PDZD2: variants seen among roughly 807,000 people sequenced by gnomAD.
PDZD2 encodes the protein PDZ domain containing 2.
A neutral mutation model predicts 220.7 loss-of-function variants in PDZD2; 90 were observed. That is an observed-to-expected ratio of 0.41 (90% CI 0.34 to 0.49). The LOEUF (loss-of-function observed/expected upper bound fraction) is 0.49. Ranked by LOEUF, PDZD2 falls within the 20% of genes least tolerant of loss-of-function variation. The pLI is 0.28. For missense variants in PDZD2, 3,174 were observed against 3,608.5 expected, an observed-to-expected ratio of 0.88 and a Z score of 3.08; for synonymous variants, 1,375 against 1,450.5, an observed-to-expected ratio of 0.95 and a Z score of 1.18.
Position 32,090,344 on chromosome 5 carries a change from T to C in PDZD2, c.6896T>C (p.Ile2299Thr), listed in dbSNP as rs1476869738. 1 of 1,614,180 alleles carries C rather than the reference T, an allele frequency of 6.2e-7. No homozygotes were observed. Among genetic ancestry groups the C allele is most frequent in the Non-Finnish European group, 8.5e-7 (1 of 1,180,022 alleles). ...CCAGCCACAGATGAAGGGGATATCA[T>C]TTCAGTCCAGGAGACGAGCTGCCTA... ...NLPATDEGDI[I>T]SVQETSCLVT... is the part of the protein sequence containing the mutation. Residue 2299 changes from isoleucine to threonine, a missense_variant, in exon 20 of 25, where the codon ATT becomes ACT. This residue lies in a region of PDZD2 where 631 missense variants were observed against 789.9 expected (regional missense o/e 0.80). Coordinates refer to ENST00000438447, the MANE Select transcript of PDZD2 (RefSeq NM_178140.4). This position sits in a 1 kb window ranked among gnomAD's most constrained non-coding sequence, Gnocchi z 4.3.
chr5:31,688,097 T>TG (rs1320257413), intron 1 of PDZD2, among the ~76,000 whole-genome samples: 1 of 152,128 alleles, frequency 6.6e-6, no homozygotes, highest in Non-Finnish European at 1.5e-5. Flanking sequence ...ACATATCCAG[T>TG]GGGGTCTAGT....
At chr5:31,749,089 G>T (rs1026315427) in intron 1 of PDZD2, among the ~76,000 whole-genome samples, 2 of 147,314 alleles carry the variant, frequency 1.4e-5, no homozygotes, top group Non-Finnish European at 3.1e-5. Flanking sequence ...TATTTCATGG[G>T]GGGGGGCCTT....
intron 2 of PDZD2, chr5:31,847,613 A>T: frequency 1.6e-6 from 1 of 640,454 alleles, no homozygotes; most frequent in Non-Finnish European, 2.9e-6. Context: ...GGCATGGGCA[A>T]GATCTAGGAA....
chr5:31,697,091 G>T (rs1263170323), intron 1 of PDZD2, among the ~76,000 whole-genome samples: 1 of 152,210 alleles, frequency 6.6e-6, no homozygotes, highest in South Asian at 2.1e-4. Context: ...AGAGAAACTG[G>T]TCCTTTATTA....
At chr5:31,962,112 GA>G (rs892757509) in intron 2 of PDZD2, among the ~76,000 whole-genome samples, 2 of 152,178 alleles carry the variant, frequency 1.3e-5, no homozygotes, top group Non-Finnish European at 1.5e-5. Flanking sequence ...TTTGTTTTTT[GA>G]AGATGTTCCC....
At chr5:31,753,930 G>A (rs571031979) in intron 1 of PDZD2, among the ~76,000 whole-genome samples, 12 of 152,248 alleles carry the variant, frequency 7.9e-5, no homozygotes, top group African/African-American at 2.4e-4. Context: ...TTATTCTCCA[G>A]CATTAGCATC....
chr5:31,956,758 CAAAAAAAAAAAAAAAA>C (rs70957986), intron 2 of PDZD2, among the ~76,000 whole-genome samples: 1 of 73,704 alleles, frequency 1.4e-5, no homozygotes, highest in Non-Finnish European at 2.4e-5. Context: ...GACTCCATCT[CAAAAAAAAAAAAAAAA>C]AAAAAAAAAA....
chr5:31,998,500 G>A (rs1382885974), intron 4 of PDZD2, among the ~76,000 whole-genome samples: 2 of 152,224 alleles, frequency 1.3e-5, no homozygotes, highest in African/African-American at 4.8e-5. Flanking sequence ...TGGAAAGAGA[G>A]AAGTCAGTTG....
chr5:31,793,851 G>A (rs1753856840), intron 1 of PDZD2, among the ~76,000 whole-genome samples: 1 of 152,100 alleles, frequency 6.6e-6, no homozygotes, highest in South Asian at 2.1e-4. Flanking sequence ...GGAAACGGGA[G>A]GTCTGGAAAG....
intron 2 of PDZD2, among the ~76,000 whole-genome samples, chr5:31,870,613 C>T (rs527743049): frequency 6.6e-6 from 1 of 152,192 alleles, no homozygotes; most frequent in East Asian, 1.9e-4. Flanking sequence ...GTTGGCCAGG[C>T]GTGGTGGCTC....
At chr5:31,822,808 G>A in intron 2 of PDZD2, 1 of 883,610 alleles carries the variant, frequency 1.1e-6, no homozygotes, top group Non-Finnish European at 1.8e-6. Context: ...TTCAACAGAA[G>A]ACCAATTCTC....
At chr5:31,642,177 A>G (rs750958412) in intron 1 of PDZD2, among the ~76,000 whole-genome samples, 6 of 152,214 alleles carry the variant, frequency 3.9e-5, no homozygotes, top group Non-Finnish European at 5.9e-5. Flanking sequence ...ATGAACCCAC[A>G]AAAGGTCAGG....
chr5:31,759,519 G>C (rs1751503594), intron 1 of PDZD2, among the ~76,000 whole-genome samples: 1 of 149,808 alleles, frequency 6.7e-6, no homozygotes, highest in African/African-American at 2.5e-5. Flanking sequence ...AAACCTCCTT[G>C]CCAAGGGACT....
At chr5:31,758,671 A>C (rs896404235) in intron 1 of PDZD2, among the ~76,000 whole-genome samples, 3 of 152,156 alleles carry the variant, frequency 2.0e-5, no homozygotes, top group African/African-American at 7.2e-5. Flanking sequence ...GAGTTTCCCA[A>C]GATGTGTTCC....
intron 24 of PDZD2, chr5:32,106,476 T>C (rs1744772366): frequency 2.0e-5 from 3 of 152,242 alleles, no homozygotes; most frequent in Admixed American, 2.0e-4. Context: ...TTTCCTCTAC[T>C]TCATCTCATT....
At chr5:32,049,248 C>T (rs941012860) in intron 8 of PDZD2, among the ~76,000 whole-genome samples, 4 of 152,198 alleles carry the variant, frequency 2.6e-5, no homozygotes, top group Non-Finnish European at 4.4e-5. Context: ...GAGGGCCGCT[C>T]CTCCATCTCA....
At chr5:31,801,213 A>T (rs1449200449) in intron 2 of PDZD2, among the ~76,000 whole-genome samples, 4 of 152,198 alleles carry the variant, frequency 2.6e-5, no homozygotes, top group Non-Finnish European at 5.9e-5. Context: ...AGACACTCTC[A>T]CCAGTATTTC....
intron 2 of PDZD2, among the ~76,000 whole-genome samples, chr5:31,886,855 A>G (rs954099472): frequency 1.6e-4 from 24 of 151,756 alleles, no homozygotes; most frequent in Non-Finnish European, 1.9e-4. Context: ...CTGCCACCAC[A>G]CCCAGCTATT....
At chr5:31,954,808 T>C (rs953981335) in intron 2 of PDZD2, among the ~76,000 whole-genome samples, 1 of 152,056 alleles carries the variant, frequency 6.6e-6, no homozygotes, top group Non-Finnish European at 1.5e-5. Flanking sequence ...TGGTGGTGCA[T>C]GCCTGTAATC....
Sources: allele counts gnomAD v4.1 joint callset (sites outside exome capture counted in the v4.1 genomes callset), GRCh38; gene constraint gnomAD v4.1.1; regional missense constraint gnomAD v4.1.1; non-coding constraint Gnocchi (gnomAD v3.1); transcripts MANE v1.5; gene names NCBI Gene and HGNC (gene_info 2026-07-23, HGNC 2026-07-21).